CHRM2: variants seen among roughly 807,000 people sequenced by gnomAD.
CHRM2 encodes cholinergic receptor muscarinic 2.
Under a neutral mutation model 25.0 loss-of-function variants are expected in CHRM2, and 8 were observed. The ratio of observed to expected loss-of-function variants is 0.32; its 90% CI spans 0.19 to 0.58. CHRM2 has a LOEUF of 0.58. Among genes scored for constraint, CHRM2 ranks in the 20% least tolerant of loss-of-function variants. The probability of loss-of-function intolerance (pLI) is 0.88; values close to 1 mark genes in which losing one functional copy is unlikely to be tolerated. For synonymous variants in CHRM2, 202 were observed against 205.7 expected, an observed-to-expected ratio of 0.98 and a Z score of 0.15; for missense variants, 440 against 567.1, an observed-to-expected ratio of 0.78 and a Z score of 2.28.
At chr7:136,916,148 T>TATACCATCATTACAATTGTC (rs138634435) in intron 2 of CHRM2, among the ~76,000 whole-genome samples, 3 of 151,550 alleles carry the variant, frequency 2.0e-5, no homozygotes, top group Non-Finnish European at 4.4e-5. Flanking sequence ...AACTTTCCTA[T>TATACCATCATTACAATTGTC]ATTTTGGTTT....
chr7:136,887,650 T>C (rs951247846), intron 2 of CHRM2, among the ~76,000 whole-genome samples: 1 of 152,146 alleles, frequency 6.6e-6, no homozygotes, highest in Non-Finnish European at 1.5e-5. Context: ...GATAATTCAT[T>C]GTGAAACTCA....
chr7:136,951,986 G>A (rs1315190999), intron 2 of CHRM2, among the ~76,000 whole-genome samples: 1 of 152,092 alleles, frequency 6.6e-6, no homozygotes, highest in South Asian at 2.1e-4. Context: ...TCCACAAGCA[G>A]GTTTAGATTA....
chr7:136,986,878 AC>A (rs1802891282), intron 2 of CHRM2, among the ~76,000 whole-genome samples: 1 of 152,082 alleles, frequency 6.6e-6, no homozygotes, highest in Non-Finnish European at 1.5e-5. Flanking sequence ...TATGAAATAC[AC>A]CCTTCTTATA....
intron 2 of CHRM2, among the ~76,000 whole-genome samples, chr7:136,887,293 A>G (rs181760324): frequency 9.9e-5 from 15 of 151,998 alleles, no homozygotes; most frequent in Non-Finnish European, 1.6e-4. Context: ...AACCTTTACA[A>G]TTTGCAAAGG....
chr7:136,875,227 TACAC>T (rs1175574736), intron 2 of CHRM2, among the ~76,000 whole-genome samples: 1 of 151,270 alleles, frequency 6.6e-6, no homozygotes, highest in East Asian at 1.9e-4. Context: ...CATACACACA[TACAC>T]ACACGCGTGA....
rs143216855 is a variant in CHRM2 at position 137,015,851 on chromosome 7, C to G, written c.986C>G (p.Thr329Ser). ...NSKQTCIRIG[T>S]KTPKSDSCTP... Reference sequence around the variant, plus strand: ...AAGCAAACATGCATCAGAATTGGCACCAAGACCCCAAAAAGTGACTCATGT... The same window carrying G: ...AAGCAAACATGCATCAGAATTGGCAGCAAGACCCCAAAAAGTGACTCATGT... The change falls in exon 4 of 4, where the codon ACC (threonine) becomes AGC (serine). Residue 329 changes from threonine (T) to serine (S), a missense_variant. Around this residue, in one of 5 missense-constraint regions of CHRM2, gnomAD observed 261 missense variants for 261.8 expected, o/e 1.00. Transcript: ENST00000680005. This position sits in a 1 kb window ranked among gnomAD's most constrained non-coding sequence, Gnocchi z 5.1. 18 of 1,612,866 alleles carry G rather than the reference C, an allele frequency of 1.1e-5. 1 individual carries two copies. The Admixed American group carries it at 2.7e-4, about 24-fold the overall frequency.
chr7:136,958,830 A>C (rs192833985), intron 2 of CHRM2, among the ~76,000 whole-genome samples: 10 of 152,344 alleles, frequency 6.6e-5, no homozygotes, highest in Admixed American at 5.2e-4. Flanking sequence ...TACACAAATT[A>C]GTTTTTAAAT....
intron 2 of CHRM2, among the ~76,000 whole-genome samples, chr7:136,963,277 GTTAA>G (rs1801209840): frequency 1.3e-5 from 2 of 152,126 alleles, no homozygotes; most frequent in Non-Finnish European, 2.9e-5. Context: ...TCTGTTTTCC[GTTAA>G]TTAATACATT....
At chr7:136,936,654 C>G (rs950900128) in intron 2 of CHRM2, among the ~76,000 whole-genome samples, 1 of 152,274 alleles carries the variant, frequency 6.6e-6, no homozygotes, top group South Asian at 2.1e-4. Context: ...TAAAGTAATA[C>G]AGACCTTAAG....
intron 2 of CHRM2, among the ~76,000 whole-genome samples, chr7:136,887,205 T>C (rs1018947082): frequency 1.3e-5 from 2 of 152,248 alleles, no homozygotes; most frequent in Non-Finnish European, 2.9e-5. Flanking sequence ...TTTTATTATA[T>C]GTATATATCT....
intron 2 of CHRM2, chr7:136,902,335 T>G (rs1400570635): frequency 6.6e-6 from 1 of 152,040 alleles, no homozygotes; most frequent in African/African-American, 2.4e-5. Context: ...GAATTAATAA[T>G]TGGTATAAAT....
intron 2 of CHRM2, among the ~76,000 whole-genome samples, chr7:136,978,625 C>T (rs777117004): frequency 1.3e-5 from 2 of 152,074 alleles, no homozygotes; most frequent in African/African-American, 2.4e-5. Flanking sequence ...CGACAGGCCC[C>T]GGTATGGATG....
At chr7:136,984,967 G>A (rs777411942) in intron 2 of CHRM2, among the ~76,000 whole-genome samples, 37 of 152,054 alleles carry the variant, frequency 2.4e-4, no homozygotes, top group Admixed American at 6.6e-4. Flanking sequence ...AGAATTGAGC[G>A]TAAGAGTTCT....
At chr7:136,943,320 A>T (rs1799879642) in intron 2 of CHRM2, among the ~76,000 whole-genome samples, 1 of 151,968 alleles carries the variant, frequency 6.6e-6, no homozygotes, top group South Asian at 2.1e-4. Context: ...ACTATTTCTG[A>T]TATTGTATGG....
chr7:137,016,182 C>T lies in CHRM2; in HGVS notation c.1317C>T (p.Cys439=), dbSNP rs180713996. The T allele has an allele frequency of 6.2e-7, 1 of 1,613,066 alleles. No individual in the cohort carries two copies. Among genetic ancestry groups the T allele is most frequent in the East Asian group, 2.2e-5 (1 of 44,790 alleles). The change falls in exon 4 of 4, where the codon TGC becomes TGT. Residue 439 remains cysteine (C), a synonymous_variant. Transcript: ENST00000680005. ...CYINSTINPA[C]YALCNATFKK... ...TCAACAGCACTATCAACCCTGCCTG[C>T]TATGCACTTTGCAATGCCACCTTCA...
chr7:136,976,756 G>A (rs976732079), intron 2 of CHRM2, among the ~76,000 whole-genome samples: 3 of 152,094 alleles, frequency 2.0e-5, no homozygotes, highest in Non-Finnish European at 4.4e-5. Flanking sequence ...ATGTCTATTT[G>A]GGTCAAATTT....
At chr7:136,929,306 T>A (rs1338660580) in intron 2 of CHRM2, among the ~76,000 whole-genome samples, 1 of 151,642 alleles carries the variant, frequency 6.6e-6, no homozygotes, top group East Asian at 1.9e-4. Flanking sequence ...AAAGAAAGTG[T>A]GTGTCTCTTG....
At chr7:136,889,206 A>AGAAG (rs1796598296) in intron 2 of CHRM2, among the ~76,000 whole-genome samples, 1 of 152,088 alleles carries the variant, frequency 6.6e-6, no homozygotes, top group South Asian at 2.1e-4. Flanking sequence ...GATTTCTGAG[A>AGAAG]GAAGGGCTGG....
intron 2 of CHRM2, among the ~76,000 whole-genome samples, chr7:136,931,532 T>C (rs968305881): frequency 3.9e-5 from 6 of 152,186 alleles, no homozygotes; most frequent in Non-Finnish European, 8.8e-5. Context: ...TTGGTGACAG[T>C]TGACTGCAGA....
Sources: allele counts gnomAD v4.1 joint callset (sites outside exome capture counted in the v4.1 genomes callset), GRCh38; gene constraint gnomAD v4.1.1; regional missense constraint gnomAD v4.1.1; non-coding constraint Gnocchi (gnomAD v3.1); transcripts MANE v1.5; gene names NCBI Gene and HGNC (gene_info 2026-07-23, HGNC 2026-07-21).